Variants in DLG2 observed in about 807,000 individuals in gnomAD.
DLG2 encodes the protein discs large MAGUK scaffold protein 2.
Under a neutral mutation model 132.5 loss-of-function variants are expected in DLG2, and 45 were observed. The observed-to-expected ratio is 0.34, with a 90% CI of 0.27 to 0.44. The LOEUF is 0.44. Among genes scored for constraint, DLG2 ranks in the 20% least tolerant of loss-of-function variants. DLG2 has a pLI of 1.00. For missense variants in DLG2, 1,045 were observed against 1,196.9 expected (o/e 0.87, Z 1.87); for synonymous variants, 424 against 419.6 (o/e 1.01, Z -0.13).
intron 18 of DLG2, among the ~76,000 whole-genome samples, chr11:83,648,777 T>G (rs944711177): frequency 2.6e-5 from 4 of 152,164 alleles, no homozygotes; most frequent in Non-Finnish European, 5.9e-5. Flanking sequence ...GATGTAGACA[T>G]TTCCTGGTTT....
chr11:84,546,645 TC>T, intron 6 of DLG2: 1 of 531,120 alleles, frequency 1.9e-6, no homozygotes, highest in Non-Finnish European at 3.6e-6. Context: ...TGCATCCACC[TC>T]CTCCACAGTG....
chr11:85,033,386 CAAAAAAA>C (rs750024023), intron 6 of DLG2, among the ~76,000 whole-genome samples: 19 of 80,858 alleles, frequency 2.3e-4, no homozygotes, highest in South Asian at 3.7e-4. Context: ...TATATCCTAG[CAAAAAAA>C]AAAAAAAAAA....
rs1036897192 is a variant in DLG2, at chr11:85,358,750, A to G, written c.41-73385T>C. ...TTCAAATACTCAGAATAGTGTGGCA[A>G]TTAGTAGATATCTGATAAATAATTG... On this transcript the variant is annotated intron_variant, in intron 3 of 27. Coordinates refer to ENST00000376104, the MANE Select transcript of DLG2 (RefSeq NM_001142699.3). Among the ~76,000 whole-genome samples, 5 of 152,200 alleles carry G rather than the reference A, an allele frequency of 3.3e-5. No homozygotes were observed. The South Asian group carries it at 1.0e-3, about 32-fold the overall frequency.
chr11:83,891,829 C>T (rs1199951756), intron 15 of DLG2, among the ~76,000 whole-genome samples: 2 of 152,176 alleles, frequency 1.3e-5, no homozygotes, highest in South Asian at 4.1e-4. Context: ...TTCATGCAGA[C>T]ATCCAAATAA....
intron 6 of DLG2, among the ~76,000 whole-genome samples, chr11:84,557,628 C>T (rs2099414545): frequency 6.6e-6 from 1 of 151,430 alleles, no homozygotes; most frequent in African/African-American, 2.4e-5. Flanking sequence ...TAATTTTTTA[C>T]AGTATGTTAT....
At chr11:84,359,206 G>T (rs1283110831) in intron 7 of DLG2, among the ~76,000 whole-genome samples, 1 of 151,760 alleles carries the variant, frequency 6.6e-6, no homozygotes, top group Non-Finnish European at 1.5e-5. Context: ...CTCCAAGTTG[G>T]ATTGAGGAAC....
At chr11:84,754,624 A>G (rs980027293) in intron 6 of DLG2, among the ~76,000 whole-genome samples, 2 of 152,172 alleles carry the variant, frequency 1.3e-5, no homozygotes, top group African/African-American at 4.8e-5. Context: ...AGTGGTTGGT[A>G]GGGGTTGGGA....
intron 6 of DLG2, among the ~76,000 whole-genome samples, chr11:84,598,540 G>A (rs1270191789): frequency 6.6e-6 from 1 of 151,970 alleles, no homozygotes; most frequent in African/African-American, 2.4e-5. Flanking sequence ...TTTCTTCCCA[G>A]GTACCACGCT....
At chr11:85,191,162 G>GCGCGCACACACACACACACA (rs34410192) in intron 4 of DLG2, among the ~76,000 whole-genome samples, 1 of 139,842 alleles carries the variant, frequency 7.2e-6, no homozygotes, top group African/African-American at 2.8e-5. Flanking sequence ...GCGCACGCGC[G>GCGCGCACACACACACACACA]CACACACACA....
intron 6 of DLG2, among the ~76,000 whole-genome samples, chr11:84,767,071 G>A (rs2068526052): frequency 6.6e-6 from 1 of 151,934 alleles, no homozygotes; most frequent in African/African-American, 2.4e-5. Flanking sequence ...TTCAGTCTCA[G>A]TTTTCTTATC....
At chr11:84,617,099 A>T (rs1312485612) in intron 6 of DLG2, among the ~76,000 whole-genome samples, 6 of 151,992 alleles carry the variant, frequency 3.9e-5, no homozygotes, top group Non-Finnish European at 7.4e-5. Context: ...CCCGTCAACC[A>T]GATTAGGTAT....
intron 15 of DLG2, among the ~76,000 whole-genome samples, chr11:83,875,694 T>C (rs943905970): frequency 6.6e-6 from 1 of 152,182 alleles, no homozygotes; most frequent in Non-Finnish European, 1.5e-5. Context: ...ACACATAATA[T>C]ATGAACAAGT....
chr11:85,031,947 CTTTT>C (rs11389028), intron 6 of DLG2, among the ~76,000 whole-genome samples: 3 of 51,848 alleles, frequency 5.8e-5, no homozygotes, highest in African/African-American at 1.7e-4. Context: ...TGACAACTGG[CTTTT>C]TTTTTTTTTT....
chr11:83,508,756 G>A (rs1263462273), intron 21 of DLG2, among the ~76,000 whole-genome samples: 1 of 152,066 alleles, frequency 6.6e-6, no homozygotes, highest in Admixed American at 6.6e-5. Flanking sequence ...AGAAAACTGA[G>A]GCTTAGAGAG....
chr11:85,249,793 T>C (rs189555755), intron 4 of DLG2, among the ~76,000 whole-genome samples: 1 of 152,272 alleles, frequency 6.6e-6, no homozygotes, highest in Admixed American at 6.5e-5. Context: ...AGCAAGGAAC[T>C]AGATTACCTT....
chr11:83,600,826 A>T (rs2058415930), intron 19 of DLG2, among the ~76,000 whole-genome samples: 1 of 152,224 alleles, frequency 6.6e-6, no homozygotes, highest in Non-Finnish European at 1.5e-5. Flanking sequence ...CTGCAAACAG[A>T]CTTTGCCTCA....
At chr11:83,601,083 T>TTGC (rs1565998597) in intron 19 of DLG2, among the ~76,000 whole-genome samples, 1 of 152,218 alleles carries the variant, frequency 6.6e-6, no homozygotes. Flanking sequence ...TAGAGTAAGA[T>TTGC]ACAATCTATA....
intron 16 of DLG2, among the ~76,000 whole-genome samples, chr11:83,867,962 G>GA (rs1048484878): frequency 2.6e-5 from 4 of 151,300 alleles, no homozygotes; most frequent in East Asian, 1.9e-4. Flanking sequence ...TAAGGAAATG[G>GA]AAAAAAAAAT....
intron 19 of DLG2, among the ~76,000 whole-genome samples, chr11:83,628,421 C>T (rs957020441): frequency 1.6e-4 from 25 of 152,166 alleles, no homozygotes; most frequent in African/African-American, 5.5e-4. Context: ...TGCTTAAATG[C>T]TGCTCTACAA....
Sources: allele counts gnomAD v4.1 joint callset (sites outside exome capture counted in the v4.1 genomes callset), GRCh38; gene constraint gnomAD v4.1.1; transcripts MANE v1.5; gene names NCBI Gene and HGNC (gene_info 2026-07-23, HGNC 2026-07-21).